The following UTP6 variants were observed in gnomAD, a reference collection of about 807,000 sequenced individuals.
The protein encoded by UTP6 is U3 small nucleolar RNA-associated protein 6 homolog.
A neutral mutation model predicts 96.5 loss-of-function variants in UTP6; 60 were observed. That is an observed-to-expected ratio of 0.62 (90% CI 0.51 to 0.77). The LOEUF (loss-of-function observed/expected upper bound fraction) is 0.77. UTP6 is among the 30% of genes least tolerant of loss of function. The pLI is 0.00. For synonymous variants in UTP6, 215 were observed against 240.1 expected, an observed-to-expected ratio of 0.90 and a Z score of 0.96; for missense variants, 637 against 706.5, an observed-to-expected ratio of 0.90 and a Z score of 1.12.
chr17:31,878,459 C>T, intron 12 of UTP6, 132 bp from the exon 13 acceptor site: 1 of 925,270 alleles, frequency 1.1e-6, no homozygotes, highest in East Asian at 2.6e-5. Context: ...ATGGTGGTTT[C>T]ACTTATGAAT....
chr17:31,891,413 GC>G (rs1911483500), intron 6 of UTP6, among the ~76,000 whole-genome samples: 1 of 152,166 alleles, frequency 6.6e-6, no homozygotes, highest in African/African-American at 2.4e-5. Flanking sequence ...CATACCTAAG[GC>G]TATCCTGCTA....
intron 2 of UTP6, among the ~76,000 whole-genome samples, chr17:31,897,907 T>C (rs571182018): frequency 6.6e-6 from 1 of 152,322 alleles, no homozygotes; most frequent in East Asian, 1.9e-4. Flanking sequence ...GAAAAAATCT[T>C]GCAGTACACC....
chr17:31,898,700 T>C (rs73280114), intron 2 of UTP6, among the ~76,000 whole-genome samples: 2,551 of 144,140 alleles, frequency 0.018, 25 homozygotes, highest in African/African-American at 0.026. Flanking sequence ...AGAGACTCTA[T>C]TTCAATTAAT....
chr17:31,880,247 C>T, intron 11 of UTP6: 1 of 316,074 alleles, frequency 3.2e-6, no homozygotes, highest in Non-Finnish European at 6.2e-6. Context: ...CAGTGAAACC[C>T]CGTCTCTACT....
rs746173324 is a variant in UTP6, at chr17:31,884,491, C to T, written c.718G>A (p.Val240Met). The change falls in exon 10 of 19, where the codon GTG becomes ATG. Residue 240 changes from valine to methionine, a missense_variant. Coordinates refer to ENST00000261708, the MANE Select transcript of UTP6 (RefSeq NM_018428.3). ...VSIIKGAEFH[V>M]SLLSIAQLFD... ...AGCTGTGCAATCGAAAGCAGTGACA[C>T]GTGAAATTCTGCACCTAAATTTAAA... The T allele has an allele frequency of 1.8e-5, 29 of 1,611,060 alleles. No individual in the cohort carries two copies. The highest frequency in any genetic ancestry group is 1.3e-4 in the Admixed American group (8 of 59,526).
intron 3 of UTP6, 33 bp downstream of exon 3, chr17:31,894,937 T>C: frequency 6.4e-7 from 1 of 1,552,996 alleles, no homozygotes; most frequent in East Asian, 2.3e-5. Context: ...AGTTCTGTAT[T>C]TTTCTCCAAC....
Position 31,899,737 on chromosome 17 carries a change from A to G in UTP6, c.93-7T>C. The G allele has an allele frequency of 6.4e-7, 1 of 1,554,520 alleles. No individual in the cohort carries two copies. Among genetic ancestry groups the G allele is most frequent in the Non-Finnish European group, 8.7e-7 (1 of 1,151,892 alleles). ...AGCCTTCTTAATGATAGCCCTGAGG[A>G]GAAAGCCATTTAAACTTCACTTGAA... On this transcript the variant is annotated splice_polypyrimidine_tract_variant and splice_region_variant and intron_variant, in intron 1 of 18. Coordinates refer to ENST00000261708, the MANE Select transcript of UTP6 (RefSeq NM_018428.3).
In UTP6 at chr17:31,882,502, G is replaced by T. The variant is rs570015653; in HGVS notation, c.786-1748C>A. Among the ~76,000 whole-genome samples, 5 of 151,708 alleles carry T rather than the reference G, an allele frequency of 3.3e-5. 1 individual carries two copies. The South Asian group carries it at 1.0e-3, about 32-fold the overall frequency. On this transcript the variant is annotated intron_variant, in intron 10 of 18. Transcript: ENST00000261708. The stretch of plus-strand genomic sequence containing the variant: ...CACCAAGCTGATTTTTCTATTTTTA[G>T]TAGAGACGGGGTTTCACCATGTTGG...
chr17:31,889,330 A>G lies in UTP6; in HGVS notation c.498T>C (p.Leu166=), dbSNP rs771843816. 9 of 1,614,006 alleles carry G rather than the reference A, an allele frequency of 5.6e-6. 1 individual carries two copies. In the South Asian group the frequency reaches 9.9e-5, roughly 18 times the overall value. Residue 166 remains leucine, a synonymous_variant, in exon 7 of 19, where the codon CTT becomes CTC. Transcript: ENST00000261708. ...LSSESARQLF[L]RALRFHPECP... ...ACTCTGGATGAAAGCGCAGTGCGCG[A>G]AGAAATAGTTGCCTTGCGCTTTCTG...
chr17:31,901,466 GC>G, intron 1 of UTP6, 69 bp downstream of exon 1: 1 of 1,454,034 alleles, frequency 6.9e-7, no homozygotes, highest in East Asian at 2.3e-5. Flanking sequence ...CCCACATCTA[GC>G]CCCTGCCACA....
chr17:31,874,867 G>A (rs1285995075), intron 14 of UTP6, among the ~76,000 whole-genome samples: 1 of 149,286 alleles, frequency 6.7e-6, no homozygotes, highest in Non-Finnish European at 1.5e-5. Context: ...GGGAGGCAGA[G>A]ATTGCAGTGA....
intron 16 of UTP6, among the ~76,000 whole-genome samples, chr17:31,871,783 C>T (rs139906094): frequency 6.6e-6 from 1 of 152,052 alleles, no homozygotes; most frequent in African/African-American, 2.4e-5. Flanking sequence ...GTCCCAGCTA[C>T]TTGGGAAGCT....
intron 10 of UTP6, among the ~76,000 whole-genome samples, chr17:31,883,324 T>A (rs1910951679): frequency 6.6e-6 from 1 of 151,702 alleles, no homozygotes; most frequent in Non-Finnish European, 1.5e-5. Context: ...AGATTTTTTT[T>A]TTTTTTTTGA....
At position 31,879,935 on chromosome 17, in the gene UTP6, G is replaced by T. The variant is rs186999600; in HGVS notation, c.967+638C>A. On this transcript the variant is annotated intron_variant, in intron 11 of 18. Transcript: ENST00000261708. ...AGCCTGGCCAACATGGTGAAACTCCGTCTGTACTAAAAATACAAAAATTAG... is the reference window on the plus strand; with the variant it reads ...AGCCTGGCCAACATGGTGAAACTCCTTCTGTACTAAAAATACAAAAATTAG... Among the ~76,000 whole-genome samples, 4 of 151,864 alleles carry T rather than the reference G, an allele frequency of 2.6e-5. No individual in the cohort carries two copies. The East Asian group carries it at 7.8e-4, about 30-fold the overall frequency.
intron 10 of UTP6, among the ~76,000 whole-genome samples, chr17:31,881,203 C>T (rs1910817306): frequency 1.3e-5 from 2 of 150,940 alleles, no homozygotes; most frequent in African/African-American, 2.4e-5. Context: ...CCAACAGGCT[C>T]TCCAGAATAT....
intron 11 of UTP6, 148 bp downstream of exon 11, chr17:31,880,425 T>TA (rs775836222): frequency 0.095 from 62,663 of 662,706 alleles, 5 homozygotes; most frequent in Non-Finnish European, 0.1. Flanking sequence ...TGCCTCCCAA[T>TA]AAAAAAAAAA....
At chr17:31,873,197 T>C in intron 16 of UTP6, 181 bp downstream of exon 16, 1 of 533,026 alleles carries the variant, frequency 1.9e-6, no homozygotes. Flanking sequence ...GAGATTGCAG[T>C]GAGCAGAGAT....
chr17:31,886,069 G>A lies in UTP6; in HGVS notation c.622-8C>T, dbSNP rs1258267331. The A allele has an allele frequency of 1.2e-6, 2 of 1,609,978 alleles. No homozygotes were observed. Among genetic ancestry groups the A allele is most frequent in the Non-Finnish European group, 1.7e-6 (2 of 1,178,842 alleles). On this transcript the variant is annotated splice_region_variant and splice_polypyrimidine_tract_variant and intron_variant, in intron 8 of 18. Coordinates refer to ENST00000261708, the MANE Select transcript of UTP6 (RefSeq NM_018428.3). Reference sequence around the variant, plus strand: ...AGAATAATCAGGATTCTCCTAAAGAGTGTTATATCAAACGTAACTTAACAG... The same window carrying A: ...AGAATAATCAGGATTCTCCTAAAGAATGTTATATCAAACGTAACTTAACAG...
chr17:31,892,715 A>G (rs1203235691), intron 5 of UTP6, 32 bp downstream of exon 5: 1 of 1,613,892 alleles, frequency 6.2e-7, no homozygotes, highest in Non-Finnish European at 8.5e-7. Flanking sequence ...AAAGACGGTC[A>G]GAGGAAGCAA....
Sources: allele counts gnomAD v4.1 joint callset (sites outside exome capture counted in the v4.1 genomes callset), GRCh38; gene constraint gnomAD v4.1.1; transcripts MANE v1.5; gene names NCBI Gene and HGNC (gene_info 2026-07-23, HGNC 2026-07-21).